The following BTG4 variants were observed in gnomAD, a reference collection of about 807,000 sequenced individuals.
BTG4 encodes protein BTG4.
Under a neutral mutation model 19.3 loss-of-function variants are expected in BTG4, and 10 were observed. That is an observed-to-expected ratio of 0.52 (90% confidence interval 0.32 to 0.88). The LOEUF (loss-of-function observed/expected upper bound fraction) is 0.88. Ranked by LOEUF, BTG4 falls within the 40% of genes least tolerant of loss-of-function variation. BTG4 has a pLI of 0.04. For synonymous variants in BTG4, 91 were observed against 95.7 expected (o/e 0.95, Z 0.29); for missense variants, 238 against 281.9 (o/e 0.84, Z 1.11).
At chr11:111,400,986 G>A in the BTG4 span, 4 of 139,272 alleles carry the variant, frequency 2.9e-5, no homozygotes, top group Admixed American at 3.1e-4. Context: ...GAAACTCACA[G>A]AGCAGAGGAC....
intron 5 of BTG4, among the ~76,000 whole-genome samples, chr11:111,489,273 C>T (rs1865265716): frequency 6.6e-6 from 1 of 152,062 alleles, no homozygotes; most frequent in African/African-American, 2.4e-5. Flanking sequence ...ATCAAAAAGA[C>T]AAGTAATAAC....
the BTG4 span, among the ~76,000 whole-genome samples, chr11:111,452,234 G>C: frequency 6.6e-6 from 1 of 152,222 alleles, no homozygotes; most frequent in Non-Finnish European, 1.5e-5. Context: ...TCTGATTTGA[G>C]TCATCTGATG....
chr11:111,489,310 G>C (rs1037785900), intron 5 of BTG4, among the ~76,000 whole-genome samples: 2 of 152,148 alleles, frequency 1.3e-5, no homozygotes, highest in Admixed American at 6.5e-5. Context: ...GTGTAGAAAG[G>C]GGAACCCTCA....
At chr11:111,467,496 G>A, downstream of BTG4, 1 of 533,230 alleles carries the variant, frequency 1.9e-6, no homozygotes, top group South Asian at 3.0e-5. Flanking sequence ...CCACGTAGCT[G>A]AGATGCATGA....
chr11:111,434,105 G>A, the BTG4 span, among the ~76,000 whole-genome samples: 3 of 152,196 alleles, frequency 2.0e-5, no homozygotes, highest in Admixed American at 2.0e-4. Flanking sequence ...GCACACGTAT[G>A]TTTATTGTGT....
chr11:111,495,406 A>T, intron 4 of BTG4, 92 bp from the exon 5 acceptor site: 4 of 1,109,812 alleles, frequency 3.6e-6, no homozygotes, highest in Non-Finnish European at 5.2e-6. Context: ...TCAAAAGCAT[A>T]GGGAGCACAA....
chr11:111,498,286 G>T, intron 2 of BTG4, 151 bp from the exon 3 acceptor site: 1 of 834,142 alleles, frequency 1.2e-6, no homozygotes, highest in East Asian at 2.5e-5. Context: ...ACTCTTACAA[G>T]TAAGACATCA....
chr11:111,510,096 G>C (rs189977017), intron 1 of BTG4, among the ~76,000 whole-genome samples: 43 of 151,814 alleles, frequency 2.8e-4, no homozygotes, highest in Middle Eastern at 3.4e-3. Context: ...ATTTTTAGTA[G>C]AGACAGGGTT....
chr11:111,390,212 T>C, the BTG4 span, among the ~76,000 whole-genome samples: 1 of 152,218 alleles, frequency 6.6e-6, no homozygotes, highest in Non-Finnish European at 1.5e-5. Context: ...AGCTGATCAT[T>C]CATCCATCCA....
At chr11:111,439,418 C>T in the BTG4 span, among the ~76,000 whole-genome samples, 5 of 152,024 alleles carry the variant, frequency 3.3e-5, 1 homozygote, top group Admixed American at 2.6e-4. Flanking sequence ...CCAGCACAGC[C>T]GCAGATGGAG....
chr11:111,481,756 A>G (rs1433355021), intron 5 of BTG4, among the ~76,000 whole-genome samples: 1 of 151,908 alleles, frequency 6.6e-6, no homozygotes, highest in Non-Finnish European at 1.5e-5. Context: ...CAGAAAAAGC[A>G]TTTCACAAAA....
At chr11:111,405,795 T>C in the BTG4 span, among the ~76,000 whole-genome samples, 1 of 152,230 alleles carries the variant, frequency 6.6e-6, no homozygotes, top group Non-Finnish European at 1.5e-5. Context: ...CTTTGGACAA[T>C]CTACTGAACC....
the BTG4 span, among the ~76,000 whole-genome samples, chr11:111,436,548 A>G: frequency 6.6e-6 from 1 of 151,672 alleles, no homozygotes; most frequent in Non-Finnish European, 1.5e-5. Context: ...AATCGCTTGA[A>G]TCTGGGAGAC....
the BTG4 span, chr11:111,450,875 C>T: frequency 6.5e-6 from 1 of 154,036 alleles, no homozygotes; most frequent in African/African-American, 2.4e-5. Context: ...CCTGTTGCCC[C>T]TCCTATCCCT....
chr11:111,488,016 A>T (rs1248822383), intron 5 of BTG4, among the ~76,000 whole-genome samples: 1 of 152,198 alleles, frequency 6.6e-6, no homozygotes. Context: ...TAGTGTTAAA[A>T]TGTCCATGGT....
At chr11:111,493,811 C>T (rs544318199), downstream of BTG4, among the ~76,000 whole-genome samples, 4 of 152,186 alleles carry the variant, frequency 2.6e-5, no homozygotes, top group East Asian at 5.8e-4. Context: ...AATGAACCAT[C>T]GTTTCTAGAA....
the BTG4 span, among the ~76,000 whole-genome samples, chr11:111,388,779 C>T: frequency 2.6e-5 from 4 of 152,174 alleles, no homozygotes; most frequent in Non-Finnish European, 5.9e-5. Context: ...ATTCATATAT[C>T]GGGGATGCTG....
the BTG4 span, chr11:111,435,167 T>C: frequency 1.3e-5 from 2 of 152,260 alleles, no homozygotes; most frequent in South Asian, 4.1e-4. Context: ...GTTTGGTGGT[T>C]CTGTTGGCCA....
At chr11:111,396,834 G>A in the BTG4 span, 3 of 152,154 alleles carry the variant, frequency 2.0e-5, no homozygotes, top group Non-Finnish European at 4.4e-5. Flanking sequence ...TTCATTATTC[G>A]ATTGTTAGTT....
Sources: gnomAD v4.1 joint callset for allele counts (sites outside exome capture counted in the v4.1 genomes callset) on GRCh38, gnomAD v4.1.1 for gene constraint, MANE v1.5 for transcripts, NCBI Gene and HGNC (gene_info 2026-07-23, HGNC 2026-07-21) for gene names.